Variants in CSK observed in about 807,000 individuals in gnomAD.
CSK encodes the protein C-terminal Src kinase, also known as tyrosine-protein kinase CSK.
Under a neutral mutation model 62.3 loss-of-function variants are expected in CSK, and 7 were observed. The ratio of observed to expected loss-of-function variants is 0.11; its 90% CI spans 0.06 to 0.21. The LOEUF (loss-of-function observed/expected upper bound fraction) is 0.21, where lower values mean the gene tolerates loss of function less well. Ranked by LOEUF, CSK falls within the 10% of genes least tolerant of loss-of-function variation. The pLI, the probability that CSK is intolerant of heterozygous loss-of-function variation, is 1.00. For synonymous variants in CSK, 237 were observed against 246.0 expected (o/e 0.96, Z 0.34); for missense variants, 294 against 613.5 (o/e 0.48, Z 5.50).
chr15:74,801,449 G>A (rs1000000020), intron 9 of CSK, 73 bp from the exon 10 acceptor site: 24 of 1,470,064 alleles, frequency 1.6e-5, no homozygotes, highest in Non-Finnish European at 2.1e-5. Context: ...ACACCCACCC[G>A]GCCCCAGCGT....
intron 1 of CSK, among the ~76,000 whole-genome samples, chr15:74,794,076 C>A (rs971252213): frequency 3.9e-5 from 6 of 152,098 alleles, no homozygotes; most frequent in African/African-American, 1.4e-4. Context: ...GAAGAGCTCA[C>A]AATCCTCCTT....
intron 1 of CSK, among the ~76,000 whole-genome samples, chr15:74,787,871 C>T (rs1209584578): frequency 6.6e-6 from 1 of 152,250 alleles, no homozygotes; most frequent in Non-Finnish European, 1.5e-5. Flanking sequence ...CAGACTCGCG[C>T]ATCTATCTAT....
chr15:74,794,867 C>T (rs747309367), intron 1 of CSK, among the ~76,000 whole-genome samples: 21 of 152,116 alleles, frequency 1.4e-4, no homozygotes, highest in African/African-American at 2.9e-4. Flanking sequence ...GAGGCCCCAT[C>T]GCCCTTGGAG....
At chr15:74,794,014 C>G (rs1027788349) in intron 1 of CSK, among the ~76,000 whole-genome samples, 29 of 152,136 alleles carry the variant, frequency 1.9e-4, no homozygotes, top group Non-Finnish European at 3.8e-4. Flanking sequence ...GCAAATTGTT[C>G]AACCAGTTGA....
chr15:74,789,465 C>G (rs1222575976), intron 1 of CSK, among the ~76,000 whole-genome samples: 1 of 152,218 alleles, frequency 6.6e-6, no homozygotes, highest in Non-Finnish European at 1.5e-5. Flanking sequence ...CTGGTGTCCT[C>G]TGCAGAACCA....
At chr15:74,795,580 C>G (rs1165726359) in intron 1 of CSK, among the ~76,000 whole-genome samples, 1 of 152,168 alleles carries the variant, frequency 6.6e-6, no homozygotes, top group Non-Finnish European at 1.5e-5. Flanking sequence ...CTTCCTGAGA[C>G]AGGTCCAAGG....
chr15:74,796,870 T>C (rs1367269342), intron 1 of CSK, among the ~76,000 whole-genome samples: 1 of 152,214 alleles, frequency 6.6e-6, no homozygotes, highest in Non-Finnish European at 1.5e-5. Context: ...TTTTGAACTT[T>C]ATTCAAATGG....
chr15:74,801,474 C>T (rs770046997), intron 9 of CSK, 48 bp from the exon 10 acceptor site: 17 of 1,573,216 alleles, frequency 1.1e-5, no homozygotes, highest in Non-Finnish European at 1.3e-5. Flanking sequence ...TGTGAGAGGG[C>T]TGCAGGGCAC....
intron 1 of CSK, among the ~76,000 whole-genome samples, chr15:74,789,616 C>G (rs746523550): frequency 6.6e-6 from 1 of 152,198 alleles, no homozygotes; most frequent in Non-Finnish European, 1.5e-5. Context: ...GACCTGTAGG[C>G]CCTGCTCGGA....
intron 1 of CSK, among the ~76,000 whole-genome samples, chr15:74,785,033 T>C (rs1356580481): frequency 3.3e-5 from 5 of 152,198 alleles, no homozygotes; most frequent in African/African-American, 4.8e-5. Flanking sequence ...AAACCATGAA[T>C]GTACTCATTT....
rs115452240 is a variant in CSK at position 74,784,759 on chromosome 15, G to A, written c.-66+2039G>A. Among the ~76,000 whole-genome samples, 427 of 152,308 alleles carry A rather than the reference G, an allele frequency of 2.8e-3. 3 individuals carry two copies. Among genetic ancestry groups the A allele is most frequent in the African/African-American group, 9.1e-3 (378 of 41,562 alleles). On this transcript the variant is annotated intron_variant, in intron 1 of 12. Coordinates refer to ENST00000220003, the MANE Select transcript of CSK (RefSeq NM_004383.3). ...GACCCAGGATCCACAGTGTGACATG[G>A]CTGCCCCCCAAAGGGGGCAGACCCA...
At chr15:74,794,567 G>A (rs148896221) in intron 1 of CSK, among the ~76,000 whole-genome samples, 164 of 152,254 alleles carry the variant, frequency 1.1e-3, no homozygotes, top group Non-Finnish European at 1.7e-3. Context: ...TGGGAGGAAC[G>A]GAAGCTCTTT....
chr15:74,799,520 C>T (rs758636919), intron 5 of CSK, 29 bp downstream of exon 5: 25 of 1,599,094 alleles, frequency 1.6e-5, no homozygotes, highest in Non-Finnish European at 2.0e-5. Context: ...AGCCTTGCTC[C>T]CACCCTCACA....
intron 4 of CSK, 140 bp downstream of exon 4, chr15:74,799,078 G>T (rs374131299): frequency 2.1e-6 from 2 of 968,928 alleles, no homozygotes; most frequent in South Asian, 3.4e-5. Flanking sequence ...GCGGGTGCGG[G>T]ACCTCACAGA....
intron 1 of CSK, among the ~76,000 whole-genome samples, chr15:74,785,034 G>A (rs1341261424): frequency 2.0e-5 from 3 of 152,120 alleles, no homozygotes; most frequent in Non-Finnish European, 4.4e-5. Context: ...AACCATGAAT[G>A]TACTCATTTT....
In CSK at chr15:74,802,357, G is replaced by A; in HGVS notation, c.1197G>A (p.Val399=). 6.2e-7 allele frequency: 1 copy of A among 1,605,178 alleles called. No homozygotes were observed. Among genetic ancestry groups the A allele is most frequent in the African/African-American group, 1.3e-5 (1 of 74,478 alleles). Residue 399 remains valine (V), a synonymous_variant, in exon 13 of 13, where the codon GTG becomes GTA. Transcript: ENST00000220003. ...RIPLKDVVPR[V]EKGYKMDAPD... Reference sequence around the variant, plus strand: ...CCCTGAAGGACGTCGTCCCTCGGGTGGAGAAGGGCTACAAGATGGATGCCC... The same window carrying A: ...CCCTGAAGGACGTCGTCCCTCGGGTAGAGAAGGGCTACAAGATGGATGCCC...
At position 74,798,179 on chromosome 15, in the gene CSK, A is replaced by G; in HGVS notation, c.-65-54A>G. The G allele has an allele frequency of 4.4e-6, 5 of 1,124,560 alleles. No individual in the cohort carries two copies. Among genetic ancestry groups the G allele is most frequent in the Non-Finnish European group, 5.0e-6 (4 of 798,562 alleles). 69.7% of individuals were successfully genotyped at this position (1,124,560 alleles called of 1,614,324 possible). A position where few individuals can be genotyped will look rare whatever the true frequency, so the allele number is the denominator to read the frequency against. ...GCCCAGTGAGGAGCCAGATCTCAGC[A>G]GTTGGGGGGCATTTCTTCACACCCC... On this transcript the variant is annotated intron_variant, in intron 1 of 12. Coordinates refer to ENST00000220003, the MANE Select transcript of CSK (RefSeq NM_004383.3). This position sits in a 1 kb window ranked among gnomAD's most constrained non-coding sequence, Gnocchi z 6.6.
At chr15:74,796,091 G>A (rs1242331851) in intron 1 of CSK, among the ~76,000 whole-genome samples, 1 of 152,038 alleles carries the variant, frequency 6.6e-6, no homozygotes, top group African/African-American at 2.4e-5. Flanking sequence ...GTTGGCGCAC[G>A]CCTATGATCC....
At chr15:74,783,188 G>A (rs2063463639) in intron 1 of CSK, among the ~76,000 whole-genome samples, 1 of 152,228 alleles carries the variant, frequency 6.6e-6, no homozygotes, top group Non-Finnish European at 1.5e-5. Context: ...GCCACCTCGG[G>A]TGAGCAGTTA....
Sources: allele counts gnomAD v4.1 joint callset (sites outside exome capture counted in the v4.1 genomes callset), GRCh38; gene constraint gnomAD v4.1.1; non-coding constraint Gnocchi (gnomAD v3.1); transcripts MANE v1.5; gene names NCBI Gene and HGNC (gene_info 2026-07-23, HGNC 2026-07-21).